The following ETFA variants were observed in gnomAD, a reference collection of about 807,000 sequenced individuals.
The protein encoded by ETFA is electron transfer flavoprotein subunit alpha.
ETFA carries 22 observed loss-of-function variants against 46.2 expected under a neutral mutation model. The observed-to-expected ratio is 0.48, with a 90% CI of 0.34 to 0.68. The LOEUF is 0.68. Ranked by LOEUF, ETFA falls within the 30% of genes least tolerant of loss-of-function variation. The pLI is 0.01. For missense variants in ETFA, 345 were observed against 401.1 expected (o/e 0.86, Z 1.19); for synonymous variants, 131 against 139.9 (o/e 0.94, Z 0.45).
chr15:76,229,291 T>G (rs1389611931), intron 10 of ETFA, among the ~76,000 whole-genome samples: 4 of 152,250 alleles, frequency 2.6e-5, no homozygotes, highest in African/African-American at 2.4e-5. Flanking sequence ...CAACAAGGGC[T>G]ATATCTTTTT....
chr15:76,304,958 G>C (rs766645853), intron 1 of ETFA, among the ~76,000 whole-genome samples: 9 of 151,542 alleles, frequency 5.9e-5, no homozygotes, highest in Non-Finnish European at 1.0e-4. Flanking sequence ...CAGATGAATG[G>C]CGTGAACCCA....
intron 9 of ETFA, among the ~76,000 whole-genome samples, chr15:76,232,158 G>T (rs1227461045): frequency 6.6e-6 from 1 of 152,096 alleles, no homozygotes; most frequent in Non-Finnish European, 1.5e-5. Flanking sequence ...CTGCCCCTCT[G>T]CCCTCAATAA....
intron 8 of ETFA, among the ~76,000 whole-genome samples, chr15:76,280,326 A>C (rs1354105694): frequency 6.6e-6 from 1 of 152,180 alleles, no homozygotes; most frequent in Non-Finnish European, 1.5e-5. Flanking sequence ...TCCTTATCTC[A>C]GCTAACTGTA....
chr15:76,295,465 C>T, intron 2 of ETFA, 126 bp downstream of exon 2: 1 of 817,446 alleles, frequency 1.2e-6, no homozygotes, highest in Non-Finnish European at 2.2e-6. Context: ...GGTTGTGACA[C>T]TGACCATTTA....
intron 10 of ETFA, 60 bp downstream of exon 10, chr15:76,231,273 G>T: frequency 9.5e-7 from 1 of 1,053,744 alleles, no homozygotes; most frequent in Non-Finnish European, 1.5e-6. Context: ...AAACATACAA[G>T]GTAAGCCAAA....
intron 8 of ETFA, among the ~76,000 whole-genome samples, chr15:76,281,037 C>A (rs1473154188): frequency 6.6e-6 from 1 of 151,276 alleles, no homozygotes; most frequent in African/African-American, 2.4e-5. Context: ...GCCTCAGCCT[C>A]CTGAGTAGCT....
chr15:76,223,373 A>T (rs1273397117), intron 11 of ETFA, among the ~76,000 whole-genome samples: 1 of 151,758 alleles, frequency 6.6e-6, no homozygotes, highest in Non-Finnish European at 1.5e-5. Context: ...ATGCATCACC[A>T]TGCTCGGCTA....
At chr15:76,223,554 T>C (rs1371481410) in intron 11 of ETFA, among the ~76,000 whole-genome samples, 1 of 152,204 alleles carries the variant, frequency 6.6e-6, no homozygotes, top group Non-Finnish European at 1.5e-5. Context: ...CTGTAGGAGA[T>C]AGTCATTGCC....
Position 76,292,457 on chromosome 15 carries a change from A to G in ETFA, c.325T>C (p.Cys109Arg), listed in dbSNP as rs1477959786. The G allele has an allele frequency of 6.2e-7, 1 of 1,613,700 alleles. No homozygotes were observed. The highest frequency in any genetic ancestry group is 1.3e-5 in the African/African-American group (1 of 74,956). ...TQKQFNYTHI[C>R]AGASAFGKNL... is the part of the protein sequence containing the mutation. Reference sequence around the variant, plus strand: ...TTTCCGAAGGCAGATGCTCCAGCACAGATGTGTGTGTAATTGAACTGCTTC... The same window carrying G: ...TTTCCGAAGGCAGATGCTCCAGCACGGATGTGTGTGTAATTGAACTGCTTC... Residue 109 changes from cysteine to arginine, a missense_variant, in exon 4 of 12, where the codon TGT becomes CGT. Cys to Arg is a radical substitution (Grantham distance 180). Transcript: ENST00000557943.
chr15:76,220,678 ACT>A (rs770731067), intron 11 of ETFA, among the ~76,000 whole-genome samples: 4 of 152,234 alleles, frequency 2.6e-5, no homozygotes, highest in Non-Finnish European at 5.9e-5. Context: ...ATCTAAATAA[ACT>A]TTCTCCAAAC....
At chr15:76,260,588 T>C in intron 9 of ETFA, 1 of 1,507,898 alleles carries the variant, frequency 6.6e-7, no homozygotes, top group Non-Finnish European at 9.1e-7. Flanking sequence ...TCCCCTCCAT[T>C]GTCAGCTCAT....
intron 9 of ETFA, chr15:76,258,981 G>A (rs1596203600): frequency 1.9e-6 from 3 of 1,596,610 alleles, no homozygotes; most frequent in African/African-American, 2.7e-5. Context: ...CCCTCTGCCT[G>A]TGAGCTAACA....
At chr15:76,266,558 C>T (rs895759254) in intron 9 of ETFA, among the ~76,000 whole-genome samples, 12 of 152,172 alleles carry the variant, frequency 7.9e-5, no homozygotes, top group Non-Finnish European at 1.6e-4. Flanking sequence ...AACTTCTACT[C>T]CCTTTCAATA....
chr15:76,290,766 A>G lies in ETFA; in HGVS notation c.351+1665T>C, dbSNP rs78599170. ...AAAAATCCATAGAAGGAGGCCTAAAAGAATGTACAATTGTTAACAGCTATA... is the reference window on the plus strand; with the variant it reads ...AAAAATCCATAGAAGGAGGCCTAAAGGAATGTACAATTGTTAACAGCTATA... On this transcript the variant is annotated intron_variant, in intron 4 of 11. Transcript: ENST00000557943. 3.9e-4 allele frequency among the ~76,000 whole-genome samples: 60 copies of G among 152,354 alleles called. No homozygotes were observed. In the East Asian group the frequency reaches 0.012, roughly 29 times the overall value.
chr15:76,243,754 A>G (rs1236509496), intron 9 of ETFA, among the ~76,000 whole-genome samples: 1 of 151,748 alleles, frequency 6.6e-6, no homozygotes, highest in Non-Finnish European at 1.5e-5. Flanking sequence ...AGCCCAGATC[A>G]TGCTGCTGCA....
chr15:76,273,841 T>C (rs1418595981), intron 9 of ETFA, among the ~76,000 whole-genome samples: 1 of 152,198 alleles, frequency 6.6e-6, no homozygotes, highest in Non-Finnish European at 1.5e-5. Flanking sequence ...GTGATTCAAC[T>C]TTGAGACCAA....
intron 1 of ETFA, among the ~76,000 whole-genome samples, chr15:76,306,846 T>C (rs1005848289): frequency 1.3e-5 from 2 of 152,208 alleles, no homozygotes; most frequent in Admixed American, 6.5e-5. Context: ...ACAAGACTCT[T>C]AGTAGACACA....
intron 1 of ETFA, among the ~76,000 whole-genome samples, chr15:76,298,636 G>A (rs1393581483): frequency 1.3e-5 from 2 of 152,186 alleles, no homozygotes; most frequent in African/African-American, 4.8e-5. Context: ...AGGAAGCAGA[G>A]TCAGGTTATT....
chr15:76,274,300 T>G, intron 9 of ETFA, 112 bp downstream of exon 9: 1 of 847,186 alleles, frequency 1.2e-6, no homozygotes, highest in Non-Finnish European at 2.0e-6. Context: ...TGGTACTGGC[T>G]AACTGCTCAG....
Sources: allele counts gnomAD v4.1 joint callset (sites outside exome capture counted in the v4.1 genomes callset), GRCh38; gene constraint gnomAD v4.1.1; transcripts MANE v1.5; gene names NCBI Gene and HGNC (gene_info 2026-07-23, HGNC 2026-07-21).